Variants in TBC1D10A observed in about 807,000 individuals in gnomAD.
The protein encoded by TBC1D10A is TBC1 domain family member 10A.
Under a neutral mutation model 52.9 loss-of-function variants are expected in TBC1D10A, and 24 were observed. The observed-to-expected ratio is 0.45, with a 90% CI of 0.33 to 0.64. TBC1D10A has a LOEUF of 0.64. TBC1D10A is among the 30% of genes least tolerant of loss of function. The pLI is 0.02. For missense variants in TBC1D10A, 602 were observed against 687.9 expected (o/e 0.88, Z 1.40); for synonymous variants, 278 against 282.9 (o/e 0.98, Z 0.17).
At chr22:30,321,238 G>C (rs1021272219) in intron 1 of TBC1D10A, among the ~76,000 whole-genome samples, 16 of 152,216 alleles carry the variant, frequency 1.1e-4, no homozygotes, top group Admixed American at 9.2e-4. Context: ...AGGGAAAAAT[G>C]AGAGAAAATG....
intron 3 of TBC1D10A, chr22:30,296,148 G>A: frequency 3.0e-6 from 1 of 337,924 alleles, no homozygotes; most frequent in Non-Finnish European, 5.5e-6. Context: ...TCATTCGGGA[G>A]TCAGATACAT....
chr22:30,308,409 T>C (rs1291896433), intron 1 of TBC1D10A, among the ~76,000 whole-genome samples: 1 of 151,722 alleles, frequency 6.6e-6, no homozygotes, highest in Non-Finnish European at 1.5e-5. Context: ...CAGAACACCA[T>C]GTCTCATGCT....
intron 1 of TBC1D10A, among the ~76,000 whole-genome samples, chr22:30,306,547 C>T (rs1305154119): frequency 6.6e-6 from 1 of 152,168 alleles, no homozygotes; most frequent in African/African-American, 2.4e-5. Flanking sequence ...AACAAACTAC[C>T]ATATTTCCTG....
At position 30,294,924 on chromosome 22, in the gene TBC1D10A, C is replaced by G. The variant is rs945149499; in HGVS notation, c.639+17G>C. The G allele has an allele frequency of 2.5e-6, 4 of 1,613,930 alleles. No individual in the cohort carries two copies. The highest frequency in any genetic ancestry group is 3.4e-6 in the Non-Finnish European group (4 of 1,180,046). On this transcript the variant is annotated intron_variant, in intron 5 of 8. Transcript: ENST00000215790. ...GTTCCCCACCCACCCCCCTGCCTGC[C>G]CGGGGCCTGGTGGTACCTCAGCAGG...
chr22:30,313,550 ATTTTTTTTTTTT>A (rs35640957), intron 1 of TBC1D10A, among the ~76,000 whole-genome samples: 3 of 42,200 alleles, frequency 7.1e-5, no homozygotes, highest in South Asian at 1.5e-3. Flanking sequence ...CGGCCAGCTA[ATTTTTTTTTTTT>A]TTTTTTTTTT....
rs1930038626 is a variant in TBC1D10A at position 30,294,848 on chromosome 22, C to A, written c.653G>T (p.Cys218Phe). ...MHMPAEQAFW[C>F]LVQICEKYLP... The stretch of plus-strand genomic sequence containing the variant: ...GTACTTCTCACAGATCTGTACCAGG[C>A]ACCAGAAGGCTTGCTGTGGGCAAGA... The change falls in exon 6 of 9, where the codon TGC becomes TTC. Residue 218 changes from cysteine to phenylalanine, a missense_variant. Physicochemically the swap from Cys to Phe is radical, Grantham distance 205. Transcript: ENST00000215790. 2 of 1,614,052 alleles carry A rather than the reference C, an allele frequency of 1.2e-6. No homozygotes were observed. Among genetic ancestry groups the A allele is most frequent in the African/African-American group, 2.7e-5 (2 of 74,954 alleles).
rs1425935739 is a variant in TBC1D10A, at chr22:30,326,813, C to T, written c.69G>A (p.Arg23=). ...PAAGESLSGT[R]ESLAQGPDAA... Reference sequence around the variant, plus strand: ...CGTCGGGGCCCTGGGCCAGGCTCTCCCGGGTTCCCGACAGGCTTTCCCCGG... The same window carrying T: ...CGTCGGGGCCCTGGGCCAGGCTCTCTCGGGTTCCCGACAGGCTTTCCCCGG... Residue 23 remains arginine, a synonymous_variant, in exon 1 of 9, where the codon CGG becomes CGA. Transcript: ENST00000215790. 6 of 1,479,396 alleles carry T rather than the reference C, an allele frequency of 4.1e-6. No homozygotes were observed. The South Asian group carries it at 5.2e-5, about 13-fold the overall frequency. 91.6% of individuals were successfully genotyped at this position (1,479,396 alleles called of 1,614,324 possible).
At position 30,293,776 on chromosome 22, in the gene TBC1D10A, C is replaced by G. The variant is rs758169607; in HGVS notation, c.925G>C (p.Val309Leu). The G allele has an allele frequency of 6.2e-7, 1 of 1,612,152 alleles. No homozygotes were observed. Among genetic ancestry groups the G allele is most frequent in the Non-Finnish European group, 8.5e-7 (1 of 1,178,814 alleles). ...GVKIIFRVGL[V>L]LLKHALGSPE... ...GAGCCCAGCGCGTGCTTCAGCAGCA[C>G]CAGCCCCACCCGGAAGATGATCTTG... The change falls in exon 8 of 9, where the codon GTG becomes CTG. Residue 309 changes from valine to leucine, a missense_variant. By Grantham distance (32) the Val-to-Leu change is conservative. Around this residue, in one of 3 missense-constraint regions of TBC1D10A, gnomAD observed 265 missense variants for 275.1 expected, o/e 0.96. Transcript: ENST00000215790.
chr22:30,304,573 C>T lies in TBC1D10A; in HGVS notation c.267G>A (p.Met89Ile). ...CCATCCATTTGTCCCAGTTGTTGAG[C>T]ATGTCCAGCCACTTGGACTCCCTCT... ...LRQRESKWLDMLNNWDKWMAK... is the reference protein window; with the variant it reads ...LRQRESKWLDILNNWDKWMAK... The change falls in exon 2 of 9, where the codon ATG becomes ATA. Residue 89 changes from methionine to isoleucine, a missense_variant. By Grantham distance (10) the Met-to-Ile change is conservative. Transcript: ENST00000215790. 2 of 1,614,114 alleles carry T rather than the reference C, an allele frequency of 1.2e-6. No individual in the cohort carries two copies. The highest frequency in any genetic ancestry group is 1.7e-4 in the Middle Eastern group (1 of 6,060).
chr22:30,315,327 C>G (rs1353008051), intron 1 of TBC1D10A, among the ~76,000 whole-genome samples: 1 of 152,206 alleles, frequency 6.6e-6, no homozygotes, highest in East Asian at 1.9e-4. Context: ...TCCACAGAGC[C>G]CTTACTTTGT....
intron 1 of TBC1D10A, among the ~76,000 whole-genome samples, chr22:30,305,888 T>C (rs1388009670): frequency 2.6e-5 from 4 of 152,290 alleles, no homozygotes; most frequent in South Asian, 2.1e-4. Context: ...AACGCACTGA[T>C]ACAAGGCACC....
At position 30,322,129 on chromosome 22, in the gene TBC1D10A, G is replaced by C. The variant is rs574306682; in HGVS notation, c.209+4544C>G. On this transcript the variant is annotated intron_variant, in intron 1 of 8. Transcript: ENST00000215790. ...TGAGCAGCTGGGATTATGGGCGTGAGCCACTACCGCCTGGCTAATTTTTGT... is the reference window on the plus strand; with the variant it reads ...TGAGCAGCTGGGATTATGGGCGTGACCCACTACCGCCTGGCTAATTTTTGT... Among the ~76,000 whole-genome samples, 324 of 152,154 alleles carry C rather than the reference G, an allele frequency of 2.1e-3. 1 individual carries two copies. The highest frequency in any genetic ancestry group is 3.6e-3 in the Non-Finnish European group (248 of 67,992).
chr22:30,323,597 T>TA (rs1930703622), intron 1 of TBC1D10A, among the ~76,000 whole-genome samples: 1 of 152,178 alleles, frequency 6.6e-6, no homozygotes, highest in African/African-American at 2.4e-5. Context: ...GCTGTGATCT[T>TA]AAGAAAGTTA....
chr22:30,301,385 A>C (rs1171359462), intron 2 of TBC1D10A, among the ~76,000 whole-genome samples: 1 of 152,218 alleles, frequency 6.6e-6, no homozygotes, highest in Non-Finnish European at 1.5e-5. Context: ...GAACATCTGG[A>C]TGTGGGTTTG....
chr22:30,308,299 CATG>C (rs1930354642), intron 1 of TBC1D10A, among the ~76,000 whole-genome samples: 15 of 138,836 alleles, frequency 1.1e-4, no homozygotes, highest in South Asian at 4.3e-4. Flanking sequence ...TGCATGCCTG[CATG>C]CCTGCCTGCC....
At chr22:30,299,856 A>C in intron 2 of TBC1D10A, 1 of 220,642 alleles carries the variant, frequency 4.5e-6, no homozygotes. Flanking sequence ...AATCCTAGCG[A>C]CTCGGGAGGC....
intron 1 of TBC1D10A, among the ~76,000 whole-genome samples, chr22:30,319,702 G>A (rs1463065904): frequency 3.3e-5 from 5 of 152,298 alleles, no homozygotes; most frequent in Non-Finnish European, 5.9e-5. Context: ...TAAGTATCAG[G>A]AGCATTGACT....
At position 30,292,551 on chromosome 22, in the gene TBC1D10A, G is replaced by C. The variant is rs200953884; in HGVS notation, c.1351C>G (p.Pro451Ala). ...GRGQLEKPPA[P>A]NQAMVVAAAG... ...GCGGCCACCACCATGGCTTGATTTG[G>C]GGCTGGGGGCTTCTCCAGCTGCCCT... Residue 451 changes from proline to alanine, a missense_variant, in exon 9 of 9, where the codon CCA becomes GCA. Around this residue, in one of 3 missense-constraint regions of TBC1D10A, gnomAD observed 265 missense variants for 275.1 expected, o/e 0.96. Transcript: ENST00000215790. 1.4e-5 allele frequency: 22 copies of C among 1,613,600 alleles called. No homozygotes were observed. Among genetic ancestry groups the C allele is most frequent in the Middle Eastern group, 1.7e-4 (1 of 6,052 alleles).
intron 3 of TBC1D10A, chr22:30,298,379 C>T (rs1930129267): frequency 6.6e-6 from 1 of 152,272 alleles, no homozygotes; most frequent in Non-Finnish European, 1.5e-5. Context: ...TTCAGACCTA[C>T]CCCAGCCAGA....
Sources: allele counts gnomAD v4.1 joint callset (sites outside exome capture counted in the v4.1 genomes callset), GRCh38; gene constraint gnomAD v4.1.1; regional missense constraint gnomAD v4.1.1; transcripts MANE v1.5; gene names NCBI Gene and HGNC (gene_info 2026-07-23, HGNC 2026-07-21).